GPM6A: variants seen among roughly 807,000 people sequenced by gnomAD.
GPM6A encodes glycoprotein M6A.
A neutral mutation model predicts 32.1 loss-of-function variants in GPM6A; 7 were observed. That is an observed-to-expected ratio of 0.22 (90% CI 0.12 to 0.41). GPM6A has a LOEUF of 0.41. Ranked by LOEUF, GPM6A falls within the 10% of genes least tolerant of loss-of-function variation. The probability of loss-of-function intolerance (pLI) is 1.00; values close to 1 mark genes in which losing one functional copy is unlikely to be tolerated. For synonymous variants in GPM6A, 130 were observed against 123.4 expected (o/e 1.05, Z -0.35); for missense variants, 235 against 347.2 (o/e 0.68, Z 2.57).
At chr4:175,656,133 C>T (rs113749240) in intron 3 of GPM6A, among the ~76,000 whole-genome samples, 26 of 152,056 alleles carry the variant, frequency 1.7e-4, no homozygotes, top group African/African-American at 6.0e-4. Flanking sequence ...TAGGATCACT[C>T]ACATATAGTA....
chr4:175,968,090 G>A (rs79285260), intron 1 of GPM6A, among the ~76,000 whole-genome samples: 12 of 151,840 alleles, frequency 7.9e-5, no homozygotes, highest in South Asian at 2.1e-4. Context: ...TCAATGGAAC[G>A]GAATCGAGAG....
chr4:175,638,554 G>C (rs1207459073), intron 6 of GPM6A, among the ~76,000 whole-genome samples: 1 of 152,026 alleles, frequency 6.6e-6, no homozygotes, highest in Non-Finnish European at 1.5e-5. Context: ...CTCAAAATCT[G>C]TTGATTTGTT....
intron 1 of GPM6A, among the ~76,000 whole-genome samples, chr4:175,900,876 G>C (rs1232713591): frequency 6.6e-6 from 1 of 152,154 alleles, no homozygotes; most frequent in Non-Finnish European, 1.5e-5. Context: ...CAACCTACAT[G>C]TCCATCAACA....
intron 1 of GPM6A, among the ~76,000 whole-genome samples, chr4:175,850,304 A>G (rs1279259693): frequency 1.3e-5 from 2 of 152,182 alleles, no homozygotes; most frequent in Non-Finnish European, 2.9e-5. Context: ...TTAGTGTGAC[A>G]AGGGAGTAAC....
chr4:175,990,643 G>GTTTT (rs57270659), intron 1 of GPM6A, among the ~76,000 whole-genome samples: 1 of 142,000 alleles, frequency 7.0e-6, no homozygotes. Context: ...GGGTGAAGTA[G>GTTTT]TTTTTTTTTT....
At chr4:175,915,852 T>C (rs1738476917) in intron 1 of GPM6A, among the ~76,000 whole-genome samples, 1 of 152,182 alleles carries the variant, frequency 6.6e-6, no homozygotes, top group Non-Finnish European at 1.5e-5. Flanking sequence ...TGGTTTGTTG[T>C]TTTGCTTTGT....
chr4:175,769,363 C>G (rs951723418), intron 1 of GPM6A, among the ~76,000 whole-genome samples: 1 of 151,982 alleles, frequency 6.6e-6, no homozygotes, highest in Non-Finnish European at 1.5e-5. Context: ...GAAAAAAATG[C>G]CCAGAAACAA....
chr4:175,634,900 T>C lies in GPM6A; in HGVS notation c.*5A>G. The stretch of plus-strand genomic sequence containing the variant: ...TCAAATGGTAGAAAGAACAGGAAGA[T>C]GCATTTATGTGTATGCATTGAGCCG... On this transcript the variant is annotated 3_prime_UTR_variant, in exon 7 of 7. Transcript: ENST00000393658. 6.2e-7 allele frequency: 1 copy of C among 1,611,432 alleles called. No individual in the cohort carries two copies. Among genetic ancestry groups the C allele is most frequent in the Non-Finnish European group, 8.5e-7 (1 of 1,178,054 alleles).
intron 1 of GPM6A, among the ~76,000 whole-genome samples, chr4:175,766,896 C>T (rs1014105646): frequency 1.3e-5 from 2 of 152,076 alleles, no homozygotes; most frequent in Non-Finnish European, 2.9e-5. Context: ...CTCAGATGAT[C>T]TGCCTGCCTC....
chr4:175,801,038 A>C (rs192657361), intron 1 of GPM6A: 1 of 163,876 alleles, frequency 6.1e-6, no homozygotes, highest in East Asian at 1.9e-4. Flanking sequence ...AAGCCTCCCA[A>C]GTATTGAACT....
chr4:175,913,377 T>C (rs1360703147), intron 1 of GPM6A, among the ~76,000 whole-genome samples: 1 of 152,242 alleles, frequency 6.6e-6, no homozygotes, highest in African/African-American at 2.4e-5. Flanking sequence ...GTTATACACA[T>C]AAGGTCATGT....
intron 1 of GPM6A, among the ~76,000 whole-genome samples, chr4:175,915,481 T>C (rs556572790): frequency 6.6e-6 from 1 of 151,648 alleles, no homozygotes; most frequent in East Asian, 1.9e-4. Flanking sequence ...AGAGATAGGG[T>C]TTTTAATGGA....
At chr4:175,987,913 GTCTAAACT>G in intron 1 of GPM6A, among the ~76,000 whole-genome samples, 1 of 152,140 alleles carries the variant, frequency 6.6e-6, no homozygotes, top group East Asian at 1.9e-4. Flanking sequence ...GACTGAAAAA[GTCTAAACT>G]TTATAATTCC....
chr4:175,791,130 C>T (rs942317755), intron 1 of GPM6A, among the ~76,000 whole-genome samples: 1 of 151,934 alleles, frequency 6.6e-6, no homozygotes, highest in African/African-American at 2.4e-5. Context: ...TGCATAGGCT[C>T]TATCTATTAG....
chr4:175,882,186 C>A (rs1737301618), intron 1 of GPM6A, among the ~76,000 whole-genome samples: 2 of 151,748 alleles, frequency 1.3e-5, no homozygotes, highest in Non-Finnish European at 2.9e-5. Flanking sequence ...AATTGTTTTC[C>A]ATTGTGCCTG....
At chr4:175,981,775 G>A (rs1157540660) in intron 1 of GPM6A, among the ~76,000 whole-genome samples, 1 of 152,034 alleles carries the variant, frequency 6.6e-6, no homozygotes, top group African/African-American at 2.4e-5. Context: ...CATTTTAAGT[G>A]TATTTTTGAT....
chr4:175,812,094 G>A, intron 1 of GPM6A, 97 bp downstream of exon 1: 1 of 900,068 alleles, frequency 1.1e-6, no homozygotes, highest in Non-Finnish European at 1.7e-6. Context: ...CCTTCCAAGA[G>A]AGAAACATTC....
chr4:175,654,452 G>A (rs1426022835), intron 3 of GPM6A: 1 of 152,068 alleles, frequency 6.6e-6, no homozygotes, highest in Admixed American at 6.6e-5. Flanking sequence ...TACATAAGAA[G>A]CTCTGACAAA....
chr4:175,642,589 C>G (rs1405194921), intron 4 of GPM6A, among the ~76,000 whole-genome samples: 4 of 152,138 alleles, frequency 2.6e-5, no homozygotes, highest in Non-Finnish European at 5.9e-5. Context: ...TTCCTTCATG[C>G]TCTCTTCATT....
Sources: allele counts gnomAD v4.1 joint callset (sites outside exome capture counted in the v4.1 genomes callset), GRCh38; gene constraint gnomAD v4.1.1; transcripts MANE v1.5; gene names NCBI Gene and HGNC (gene_info 2026-07-23, HGNC 2026-07-21).